Variants in CEP72 observed in about 807,000 individuals in gnomAD.
CEP72 encodes centrosomal protein of 72 kDa.
CEP72 carries 78 observed loss-of-function variants against 65.7 expected under a neutral mutation model. The ratio of observed to expected loss-of-function variants is 1.19; its 90% CI spans 0.99 to 1.43. The LOEUF (loss-of-function observed/expected upper bound fraction) is 1.43, where lower values mean the gene tolerates loss of function less well. Among genes scored for constraint, CEP72 ranks in the 40% most tolerant of loss-of-function variants. The probability of loss-of-function intolerance (pLI) is 0.00; values close to 1 mark genes in which losing one functional copy is unlikely to be tolerated. For synonymous variants in CEP72, 358 were observed against 351.7 expected (o/e 1.02, Z -0.20); for missense variants, 914 against 832.9 (o/e 1.10, Z -1.20).
At chr5:649,925 GGACTGTGAGGCGT>G (rs1290843044) in intron 11 of CEP72, among the ~76,000 whole-genome samples, 14 of 81,422 alleles carry the variant, frequency 1.7e-4, no homozygotes, top group Admixed American at 1.3e-4. Flanking sequence ...TGTGAGGTGT[GGACTGTGAGGCGT>G]GACTGTGAGG....
At chr5:643,924 C>T (rs144996526) in intron 9 of CEP72, among the ~76,000 whole-genome samples, 2 of 152,246 alleles carry the variant, frequency 1.3e-5, no homozygotes, top group South Asian at 2.1e-4. Context: ...GCCTGGGGCT[C>T]GCAGTGTCCG....
Position 637,642 on chromosome 5 carries a change from A to T in CEP72, c.1030A>T (p.Thr344Ser), listed in dbSNP as rs775044934. The change falls in exon 7 of 12, where the codon ACG (threonine) becomes TCG (serine). Residue 344 changes from threonine to serine, a missense_variant. Thr to Ser is a moderately conservative substitution (Grantham distance 58). Transcript: ENST00000264935. ...KRRMPVGRFQ[T>S]FSDQEGLGCP... is the part of the protein sequence containing the mutation. ...AAGAATGCCTGTTGGAAGATTCCAG[A>T]CGTTTTCGGACCAGGAGGGTTTGGG... 18 of 1,613,964 alleles carry T rather than the reference A, an allele frequency of 1.1e-5. No homozygotes were observed. Among genetic ancestry groups the T allele is most frequent in the Non-Finnish European group, 1.5e-5 (18 of 1,180,022 alleles).
Position 612,366 on chromosome 5 carries a change from C to T in CEP72, c.5C>T (p.Ala2Val). ...TCCGAGGGCTCCGTTTGAAACATGG[C>T]GCGGGCTGGCCCTCGGCTGGTGCTG... The part of the protein sequence containing the change: M[A>V]RAGPRLVLSE... Residue 2 changes from alanine (A) to valine (V), a missense_variant, in exon 1 of 12, where the codon GCG (alanine) becomes GTG (valine). By Grantham distance (64) the Ala-to-Val change is moderately conservative. Coordinates refer to ENST00000264935, the MANE Select transcript of CEP72 (RefSeq NM_018140.4). 3 of 1,489,254 alleles carry T rather than the reference C, an allele frequency of 2.0e-6. No individual in the cohort carries two copies. The highest frequency in any genetic ancestry group is 2.9e-5 in the East Asian group (1 of 34,632). The allele number at this position is 1,489,254 out of a possible 1,614,324, so 92.3% of individuals were successfully genotyped here.
At chr5:621,712 G>A (rs922745146) in intron 3 of CEP72, among the ~76,000 whole-genome samples, 1 of 152,250 alleles carries the variant, frequency 6.6e-6, no homozygotes, top group Non-Finnish European at 1.5e-5. Context: ...ATCACAGGGA[G>A]GACTGGCCTG....
At chr5:620,028 G>A in intron 2 of CEP72, 41 bp from the exon 3 acceptor site, 1 of 1,542,946 alleles carries the variant, frequency 6.5e-7, no homozygotes, top group Non-Finnish European at 8.9e-7. Flanking sequence ...TGTATTTCTT[G>A]TTTAAAGTGT....
intron 7 of CEP72, among the ~76,000 whole-genome samples, chr5:638,528 G>C (rs1210383370): frequency 1.3e-5 from 2 of 151,686 alleles, no homozygotes; most frequent in Non-Finnish European, 2.9e-5. Flanking sequence ...GGGAGGCATG[G>C]CCGGAGCTAG....
chr5:634,032 G>T (rs1737417999), intron 5 of CEP72, 85 bp downstream of exon 5: 37 of 1,302,050 alleles, frequency 2.8e-5, no homozygotes, highest in Non-Finnish European at 3.7e-5. Flanking sequence ...GTCCACAGTT[G>T]CTCTTTTTGT....
downstream of CEP72, among the ~76,000 whole-genome samples, chr5:658,188 C>T (rs1435257939): frequency 6.6e-6 from 1 of 152,250 alleles, no homozygotes; most frequent in Non-Finnish European, 1.5e-5. Context: ...AGACCATCTC[C>T]AGCCACCATG....
chr5:661,384 G>A (rs1412643687), downstream of CEP72: 2 of 139,166 alleles, frequency 1.4e-5, no homozygotes, highest in Admixed American at 7.5e-5. Context: ...GTGTCCTCGT[G>A]TCACCCATGA....
intron 2 of CEP72, among the ~76,000 whole-genome samples, chr5:619,696 CT>C (rs1348042630): frequency 1.3e-5 from 2 of 152,254 alleles, no homozygotes; most frequent in East Asian, 3.8e-4. Context: ...GCTGCCTCAT[CT>C]TTCCCCGTTC....
At chr5:646,593 T>G (rs1158793915) in intron 10 of CEP72, among the ~76,000 whole-genome samples, 2 of 152,142 alleles carry the variant, frequency 1.3e-5, no homozygotes, top group Non-Finnish European at 2.9e-5. Flanking sequence ...CCACACCAGC[T>G]GTTCCTCTTG....
intron 9 of CEP72, chr5:642,817 G>A: frequency 1.0e-6 from 1 of 985,454 alleles, no homozygotes; most frequent in South Asian, 4.7e-5. Flanking sequence ...TGCTTTCCAG[G>A]GAGGCCCACA....
rs765498962 is a variant in CEP72 at position 635,536 on chromosome 5, G to A, written c.856G>A (p.Glu286Lys). Residue 286 changes from glutamate to lysine, a missense_variant, in exon 6 of 12, where the codon GAG becomes AAG. Transcript: ENST00000264935. Reference protein sequence around the residue: ...ELPPLYGAEPEASRAPRPHTY... With the variant: ...ELPPLYGAEPKASRAPRPHTY... ...TCCGCCACTGTACGGAGCGGAGCCA[G>A]AGGCCTCCCGTGCCCCCAGGCCACA... 81 of 1,613,932 alleles carry A rather than the reference G, an allele frequency of 5.0e-5. 3 individuals carry two copies. The highest frequency in any genetic ancestry group is 6.2e-5 in the Non-Finnish European group (73 of 1,180,020).
the CEP72 span, among the ~76,000 whole-genome samples, chr5:675,549 C>A: frequency 2.6e-5 from 1 of 38,994 alleles, no homozygotes; most frequent in Non-Finnish European, 5.4e-5. Context: ...GCCGTGTGGC[C>A]GGGGGTGCAG....
At chr5:664,499 G>A (rs1739812638) in intron 2 of CEP72, 1 of 154,910 alleles carries the variant, frequency 6.5e-6, no homozygotes, top group Non-Finnish European at 1.4e-5. Context: ...GTGTGCACAG[G>A]TGTGTCCATG....
At chr5:619,887 C>T (rs187440413) in intron 2 of CEP72, among the ~76,000 whole-genome samples, 182 bp from the exon 3 acceptor site, 3 of 152,262 alleles carry the variant, frequency 2.0e-5, no homozygotes, top group Admixed American at 6.5e-5. Flanking sequence ...ACCGTCTCAC[C>T]GCGTGGGGCC....
At chr5:640,263 G>A (rs1235522780) in intron 8 of CEP72, 145 bp from the exon 9 acceptor site, 4 of 1,073,314 alleles carry the variant, frequency 3.7e-6, no homozygotes, top group Non-Finnish European at 5.3e-6. Context: ...AGGTGGTTTT[G>A]TGGCGCCAAC....
intron 2 of CEP72, 102 bp downstream of exon 2, chr5:619,219 C>A: frequency 2.0e-6 from 2 of 981,834 alleles, no homozygotes; most frequent in Non-Finnish European, 3.2e-6. Flanking sequence ...CTGCTTACAT[C>A]TGTATACGGT....
chr5:654,354 CTG>C (rs35274640), downstream of CEP72, among the ~76,000 whole-genome samples: 37,335 of 144,644 alleles, frequency 0.26, 4,548 homozygotes, highest in East Asian at 0.44. Context: ...CGCACGCACC[CTG>C]TGTGTGTGCT....
Sources: gnomAD v4.1 joint callset for allele counts (sites outside exome capture counted in the v4.1 genomes callset) on GRCh38, gnomAD v4.1.1 for gene constraint, MANE v1.5 for transcripts, NCBI Gene and HGNC (gene_info 2026-07-23, HGNC 2026-07-21) for gene names.